CDK14: variants seen among roughly 807,000 people sequenced by gnomAD.
CDK14 encodes cyclin dependent kinase 14.
A neutral mutation model predicts 60.7 loss-of-function variants in CDK14; 34 were observed. The ratio of observed to expected loss-of-function variants is 0.56; its 90% CI spans 0.43 to 0.75. CDK14 has a LOEUF of 0.75. Ranked by LOEUF, CDK14 falls within the 30% of genes least tolerant of loss-of-function variation. The probability of loss-of-function intolerance (pLI) is 0.00; values close to 1 mark genes in which losing one functional copy is unlikely to be tolerated. For missense variants in CDK14, 482 were observed against 564.1 expected, an observed-to-expected ratio of 0.85 and a Z score of 1.47; for synonymous variants, 197 against 203.7, an observed-to-expected ratio of 0.97 and a Z score of 0.28.
intron 8 of CDK14, among the ~76,000 whole-genome samples, chr7:90,939,888 C>G (rs1793864569): frequency 6.6e-6 from 1 of 152,072 alleles, no homozygotes; most frequent in Non-Finnish European, 1.5e-5. Flanking sequence ...TCTGCTTGTT[C>G]CACCCAGTCT....
At chr7:91,153,949 G>A (rs890340847) in intron 14 of CDK14, among the ~76,000 whole-genome samples, 2 of 152,130 alleles carry the variant, frequency 1.3e-5, no homozygotes, top group Non-Finnish European at 2.9e-5. Flanking sequence ...CTTTGAGCAG[G>A]GAAATTACAC....
At chr7:90,897,140 A>C (rs1470348087) in intron 6 of CDK14, among the ~76,000 whole-genome samples, 2 of 152,078 alleles carry the variant, frequency 1.3e-5, no homozygotes, top group Admixed American at 6.5e-5. Flanking sequence ...TAGGTGTGCA[A>C]ATGTTGAATA....
At chr7:91,095,310 G>C (rs762606163) in intron 12 of CDK14, among the ~76,000 whole-genome samples, 1 of 152,232 alleles carries the variant, frequency 6.6e-6, no homozygotes, top group Non-Finnish European at 1.5e-5. Context: ...GAAAGTGCTT[G>C]GTGGTGAGAG....
intron 10 of CDK14, among the ~76,000 whole-genome samples, chr7:91,010,028 G>A (rs1229941719): frequency 1.3e-5 from 2 of 151,844 alleles, no homozygotes; most frequent in African/African-American, 4.8e-5. Flanking sequence ...TTTTTCCATT[G>A]CCATTTGTGG....
chr7:90,747,800 T>A, intron 4 of CDK14, 25 bp downstream of exon 4: 1 of 1,317,214 alleles, frequency 7.6e-7, no homozygotes, highest in Non-Finnish European at 1.1e-6. Context: ...TTTGGAATAT[T>A]TCACATGTAC....
chr7:90,838,781 T>G (rs552077465), intron 5 of CDK14, among the ~76,000 whole-genome samples: 22 of 152,146 alleles, frequency 1.4e-4, no homozygotes, highest in Non-Finnish European at 2.8e-4. Context: ...GAACCCTGTT[T>G]CCTGTTAAGA....
At chr7:90,758,261 A>T in intron 4 of CDK14, among the ~76,000 whole-genome samples, 1 of 150,470 alleles carries the variant, frequency 6.6e-6, no homozygotes, top group African/African-American at 2.4e-5. Context: ...TTTGTCTTTC[A>T]CTGTCTCTTT....
intron 8 of CDK14, among the ~76,000 whole-genome samples, chr7:90,931,342 G>C (rs1240064982): frequency 6.6e-6 from 1 of 152,200 alleles, no homozygotes; most frequent in Non-Finnish European, 1.5e-5. Context: ...AATGTTGAAG[G>C]CAGTAAAACA....
intron 2 of CDK14, among the ~76,000 whole-genome samples, chr7:90,637,648 G>A (rs1446379559): frequency 6.6e-6 from 1 of 151,348 alleles, no homozygotes; most frequent in East Asian, 1.9e-4. Context: ...ATGTCTATTA[G>A]GTCCACTTGG....
chr7:90,633,494 G>C (rs1050580324), intron 2 of CDK14, among the ~76,000 whole-genome samples: 3 of 151,996 alleles, frequency 2.0e-5, no homozygotes, highest in Admixed American at 6.6e-5. Context: ...TTGACTTAAG[G>C]CCCAATTAAT....
At chr7:90,918,048 A>AC (rs1190579451) in intron 8 of CDK14, among the ~76,000 whole-genome samples, 1 of 152,144 alleles carries the variant, frequency 6.6e-6, no homozygotes, top group East Asian at 1.9e-4. Flanking sequence ...ATTTTTTGAA[A>AC]CTTTTATTAT....
intron 4 of CDK14, among the ~76,000 whole-genome samples, chr7:90,753,392 A>G (rs1178324684): frequency 6.6e-6 from 1 of 152,182 alleles, no homozygotes; most frequent in Non-Finnish European, 1.5e-5. Context: ...AAACCATTTG[A>G]TCATCTCAGT....
At chr7:90,688,105 C>G (rs1428899234) in intron 2 of CDK14, among the ~76,000 whole-genome samples, 2 of 152,102 alleles carry the variant, frequency 1.3e-5, no homozygotes, top group African/African-American at 2.4e-5. Flanking sequence ...GGCTAAGGCT[C>G]TAAGGGAAGT....
chr7:90,612,332 A>G (rs1293385937), intron 2 of CDK14, among the ~76,000 whole-genome samples: 1 of 152,048 alleles, frequency 6.6e-6, no homozygotes, highest in Non-Finnish European at 1.5e-5. Flanking sequence ...CATGCATCAA[A>G]TGACGTTTGT....
chr7:91,046,075 T>G, intron 11 of CDK14, 115 bp downstream of exon 11: 1 of 672,060 alleles, frequency 1.5e-6, no homozygotes, highest in Non-Finnish European at 2.7e-6. Context: ...CTTTTGCCAT[T>G]GTGTACTTTG....
intron 6 of CDK14, among the ~76,000 whole-genome samples, chr7:90,865,526 C>G (rs1584061461): frequency 6.6e-6 from 1 of 152,204 alleles, no homozygotes; most frequent in East Asian, 1.9e-4. Context: ...ACTCTTCTTG[C>G]ATGTTTTGAA....
At chr7:90,631,957 G>A (rs1482117707) in intron 2 of CDK14, 1 of 152,306 alleles carries the variant, frequency 6.6e-6, no homozygotes, top group Non-Finnish European at 1.5e-5. Context: ...ACCCTTCAAT[G>A]CAGAAGAGAA....
At position 91,038,885 on chromosome 7, in the gene CDK14, G is replaced by A. The variant is rs79264110; in HGVS notation, c.1042-7012G>A. ...TGTTACTTGCTCCTCCTTGCCTTCC[G>A]CCATGATTGTGAGACCTCCCCAGCC... On this transcript the variant is annotated intron_variant, in intron 10 of 14. Transcript: ENST00000380050. 5.9e-5 allele frequency among the ~76,000 whole-genome samples: 9 copies of A among 152,176 alleles called. No individual in the cohort carries two copies. In the South Asian group the frequency reaches 1.0e-3, roughly 18 times the overall value.
At chr7:91,163,369 C>T (rs17163652) in intron 14 of CDK14, among the ~76,000 whole-genome samples, 136 of 152,272 alleles carry the variant, frequency 8.9e-4, no homozygotes, top group African/African-American at 2.4e-3. Context: ...AAGCTGCTGA[C>T]GGTGTTGCAA....
Sources: gnomAD v4.1 joint callset for allele counts (sites outside exome capture counted in the v4.1 genomes callset) on GRCh38, gnomAD v4.1.1 for gene constraint, MANE v1.5 for transcripts, NCBI Gene and HGNC (gene_info 2026-07-23, HGNC 2026-07-21) for gene names.